UBE2E2: variants seen among roughly 807,000 people sequenced by gnomAD.
UBE2E2 encodes the protein ubiquitin conjugating enzyme E2 E2.
UBE2E2 carries 6 observed loss-of-function variants against 24.7 expected under a neutral mutation model. The observed-to-expected ratio is 0.24, with a 90% CI of 0.13 to 0.48. The LOEUF is 0.48. UBE2E2 is among the 20% of genes least tolerant of loss of function. The pLI, the probability that UBE2E2 is intolerant of heterozygous loss-of-function variation, is 0.99. For missense variants in UBE2E2, 169 were observed against 245.0 expected (o/e 0.69, Z 2.07); for synonymous variants, 104 against 83.6 (o/e 1.24, Z -1.33).
At chr3:23,554,683 C>G (rs746560085) in intron 5 of UBE2E2, among the ~76,000 whole-genome samples, 6 of 152,110 alleles carry the variant, frequency 3.9e-5, no homozygotes, top group Non-Finnish European at 7.4e-5. Context: ...TCTTGAACAT[C>G]ACACCAAAAG....
At chr3:23,484,916 T>C (rs1196289240) in intron 3 of UBE2E2, among the ~76,000 whole-genome samples, 1 of 151,970 alleles carries the variant, frequency 6.6e-6, no homozygotes, top group African/African-American at 2.4e-5. Context: ...CACATGGGGA[T>C]TATGGGAGCT....
chr3:23,349,072 G>A (rs1359823611), intron 3 of UBE2E2, among the ~76,000 whole-genome samples: 1 of 152,160 alleles, frequency 6.6e-6, no homozygotes, highest in Non-Finnish European at 1.5e-5. Flanking sequence ...AGAGGGAGGA[G>A]GAGGCAGCTC....
intron 3 of UBE2E2, among the ~76,000 whole-genome samples, chr3:23,355,038 A>G (rs545837684): frequency 9.3e-4 from 142 of 152,214 alleles, no homozygotes; most frequent in African/African-American, 3.2e-3. Context: ...ACCATGGAAT[A>G]CTATGCAGCC....
chr3:23,340,997 G>C (rs1695371906), intron 3 of UBE2E2, among the ~76,000 whole-genome samples: 1 of 152,134 alleles, frequency 6.6e-6, no homozygotes, highest in Non-Finnish European at 1.5e-5. Context: ...GCTTATATAA[G>C]TGAGTACATC....
In UBE2E2 at chr3:23,250,702, A is replaced by G. The variant is rs1193766747; in HGVS notation, c.227+33390A>G. Among the ~76,000 whole-genome samples, 8 of 152,366 alleles carry G rather than the reference A, an allele frequency of 5.3e-5. No homozygotes were observed. In the East Asian group the frequency reaches 1.5e-3, roughly 29 times the overall value. On this transcript the variant is annotated intron_variant, in intron 3 of 5. Coordinates refer to ENST00000396703, the MANE Select transcript of UBE2E2 (RefSeq NM_152653.4). ...AGTTTCTTTCCTTATGATATGGCAT[A>G]CTTCCTTCTATCAGTCATTAAGAAT...
intron 3 of UBE2E2, among the ~76,000 whole-genome samples, chr3:23,260,260 T>C (rs1697860036): frequency 1.3e-5 from 2 of 152,242 alleles, no homozygotes; most frequent in African/African-American, 4.8e-5. Context: ...ATGTTTATAA[T>C]GCTATATATT....
chr3:23,379,290 T>C (rs1575594992), intron 3 of UBE2E2, among the ~76,000 whole-genome samples: 1 of 151,576 alleles, frequency 6.6e-6, no homozygotes, highest in South Asian at 2.1e-4. Flanking sequence ...CATGTGCACA[T>C]TGTGCAGGTT....
At chr3:23,555,072 C>T (rs889034333) in intron 5 of UBE2E2, among the ~76,000 whole-genome samples, 57 of 152,014 alleles carry the variant, frequency 3.7e-4, no homozygotes, top group Non-Finnish European at 5.4e-4. Flanking sequence ...CCTGCCACCA[C>T]GCCCGTCTAA....
intron 3 of UBE2E2, among the ~76,000 whole-genome samples, chr3:23,223,473 G>A (rs780646598): frequency 1.7e-4 from 26 of 152,110 alleles, no homozygotes; most frequent in Non-Finnish European, 2.8e-4. Context: ...TATTACAGGC[G>A]TGAGCTGCGC....
chr3:23,377,625 G>A (rs1362495078), intron 3 of UBE2E2, among the ~76,000 whole-genome samples: 42 of 152,146 alleles, frequency 2.8e-4, no homozygotes, highest in Admixed American at 2.7e-3. Context: ...ATCTGGCATC[G>A]AAAATGTAGA....
chr3:23,278,608 A>G (rs1271011858), intron 3 of UBE2E2, among the ~76,000 whole-genome samples: 1 of 152,140 alleles, frequency 6.6e-6, no homozygotes, highest in African/African-American at 2.4e-5. Context: ...AATGTATAAT[A>G]TATCTGGGAT....
At chr3:23,357,959 C>T (rs554114981) in intron 3 of UBE2E2, among the ~76,000 whole-genome samples, 5 of 152,310 alleles carry the variant, frequency 3.3e-5, no homozygotes, top group African/African-American at 1.2e-4. Context: ...CCTCAGCCTT[C>T]CAGGTAGCTG....
chr3:23,268,339 A>T (rs1242079468), intron 3 of UBE2E2, among the ~76,000 whole-genome samples: 1 of 151,152 alleles, frequency 6.6e-6, no homozygotes, highest in Non-Finnish European at 1.5e-5. Context: ...CCTTAAGCTG[A>T]TAAGCAGCTT....
chr3:23,558,020 T>C (rs1235452003), intron 5 of UBE2E2, among the ~76,000 whole-genome samples: 1 of 152,218 alleles, frequency 6.6e-6, no homozygotes, highest in African/African-American at 2.4e-5. Context: ...GCGTTTCTCA[T>C]TGTTTTTCTC....
intron 3 of UBE2E2, among the ~76,000 whole-genome samples, chr3:23,298,094 T>C (rs1466494612): frequency 6.6e-6 from 1 of 152,128 alleles, no homozygotes; most frequent in African/African-American, 2.4e-5. Flanking sequence ...TGTTTGTCTC[T>C]TATTGCTGTA....
chr3:23,562,353 T>G (rs1304807393), intron 5 of UBE2E2, among the ~76,000 whole-genome samples: 1 of 152,218 alleles, frequency 6.6e-6, no homozygotes, highest in Non-Finnish European at 1.5e-5. Context: ...TTGGTTCTAT[T>G]TATATGCTGG....
At chr3:23,330,471 T>A (rs1695030990) in intron 3 of UBE2E2, among the ~76,000 whole-genome samples, 1 of 152,178 alleles carries the variant, frequency 6.6e-6, no homozygotes, top group South Asian at 2.1e-4. Context: ...TTTTAAAACT[T>A]TGACACATAA....
chr3:23,315,877 A>T (rs1694562484), intron 3 of UBE2E2, among the ~76,000 whole-genome samples: 1 of 152,060 alleles, frequency 6.6e-6, no homozygotes, highest in African/African-American at 2.4e-5. Flanking sequence ...AGACCTGTAG[A>T]GGTACCATCT....
At chr3:23,353,806 A>C (rs1458508693) in intron 3 of UBE2E2, among the ~76,000 whole-genome samples, 1 of 140,946 alleles carries the variant, frequency 7.1e-6, no homozygotes, top group African/African-American at 2.7e-5. Flanking sequence ...AAATGGCCAT[A>C]CTGTCCAAGG....
Sources: gnomAD v4.1 joint callset for allele counts (sites outside exome capture counted in the v4.1 genomes callset) on GRCh38, gnomAD v4.1.1 for gene constraint, MANE v1.5 for transcripts, NCBI Gene and HGNC (gene_info 2026-07-23, HGNC 2026-07-21) for gene names.